MAST4: variants seen among roughly 807,000 people sequenced by gnomAD.
The protein encoded by MAST4 is microtubule-associated serine/threonine-protein kinase 4.
Under a neutral mutation model 162.7 loss-of-function variants are expected in MAST4, and 89 were observed. The observed-to-expected ratio is 0.55, with a 90% CI of 0.46 to 0.65. The LOEUF (loss-of-function observed/expected upper bound fraction) is 0.65. Among genes scored for constraint, MAST4 ranks in the 30% least tolerant of loss-of-function variants. MAST4 has a pLI of 0.00. For synonymous variants in MAST4, 1,479 were observed against 1,361.1 expected (o/e 1.09, Z -1.91); for missense variants, 3,153 against 3,374.0 (o/e 0.93, Z 1.62).
At position 66,826,857 on chromosome 5, in the gene MAST4, G is replaced by A. The variant is rs1252123433; in HGVS notation, c.642+38063G>A. On this transcript the variant is annotated intron_variant, in intron 3 of 28. Transcript: ENST00000403625. The stretch of plus-strand genomic sequence containing the variant: ...ACACTGTAAGCTGGTAAATATATTC[G>A]GAGCTGCTGCCAAGGCTTTGTCTAA... Among the ~76,000 whole-genome samples the A allele has an allele frequency of 2.0e-5, 3 of 152,124 alleles. No homozygotes were observed. The East Asian group carries it at 5.8e-4, about 29-fold the overall frequency.
At chr5:66,846,846 A>C (rs1392429828) in intron 3 of MAST4, among the ~76,000 whole-genome samples, 1 of 152,154 alleles carries the variant, frequency 6.6e-6, no homozygotes, top group Admixed American at 6.5e-5. Flanking sequence ...ACATTTATTA[A>C]TTTTATTATG....
intron 3 of MAST4, among the ~76,000 whole-genome samples, chr5:66,826,016 T>C (rs2149743865): frequency 6.6e-6 from 1 of 152,340 alleles, no homozygotes; most frequent in Non-Finnish European, 1.5e-5. Flanking sequence ...TTTTATTGCA[T>C]TTTAACACAT....
chr5:67,153,829 CTCTT>C (rs1455243009), intron 26 of MAST4, among the ~76,000 whole-genome samples: 2 of 152,096 alleles, frequency 1.3e-5, no homozygotes, highest in African/African-American at 4.8e-5. Context: ...AGTAAGAATT[CTCTT>C]TGTTTATATA....
At chr5:67,151,753 TTTC>T (rs1448061603) in intron 24 of MAST4, among the ~76,000 whole-genome samples, 2 of 149,854 alleles carry the variant, frequency 1.3e-5, no homozygotes, top group African/African-American at 2.5e-5. Context: ...CCTTTTTTTT[TTTC>T]TTCTTTTTTT....
At chr5:66,972,743 C>T (rs1284186856) in intron 4 of MAST4, among the ~76,000 whole-genome samples, 2 of 152,192 alleles carry the variant, frequency 1.3e-5, no homozygotes, top group Non-Finnish European at 2.9e-5. Context: ...CTCCATCCAG[C>T]TCTCAGAGTG....
intron 4 of MAST4, among the ~76,000 whole-genome samples, chr5:66,967,214 T>C (rs1223991598): frequency 6.6e-6 from 1 of 152,128 alleles, no homozygotes; most frequent in Non-Finnish European, 1.5e-5. Flanking sequence ...CTGTGCCCTT[T>C]TGAGGTGATG....
At chr5:66,746,397 T>C (rs953178847) in intron 1 of MAST4, among the ~76,000 whole-genome samples, 1 of 152,192 alleles carries the variant, frequency 6.6e-6, no homozygotes, top group Non-Finnish European at 1.5e-5. Flanking sequence ...ATGTGGGCTT[T>C]GTAGTTGGGC....
At chr5:67,101,682 T>C (rs1765047731) in intron 8 of MAST4, among the ~76,000 whole-genome samples, 1 of 152,182 alleles carries the variant, frequency 6.6e-6, no homozygotes. Flanking sequence ...TGTCTTTACT[T>C]AGTCTCATAA....
intron 4 of MAST4, among the ~76,000 whole-genome samples, chr5:67,049,035 A>ACG (rs371913655): frequency 2.0e-4 from 18 of 90,164 alleles, no homozygotes; most frequent in South Asian, 9.1e-4. Context: ...ATATATATAT[A>ACG]TATATACGTG....
chr5:66,916,609 A>C (rs1179140093), intron 4 of MAST4, among the ~76,000 whole-genome samples: 3 of 152,214 alleles, frequency 2.0e-5, no homozygotes, highest in African/African-American at 7.2e-5. Flanking sequence ...TTAGGTAGTC[A>C]TTGTTAGACT....
At chr5:67,045,272 G>A (rs1757225589) in intron 4 of MAST4, among the ~76,000 whole-genome samples, 5 of 152,140 alleles carry the variant, frequency 3.3e-5, no homozygotes, top group Admixed American at 2.6e-4. Flanking sequence ...TAAGCTTCGT[G>A]TACAATTCGA....
chr5:66,925,554 T>C (rs1419973131), intron 4 of MAST4, among the ~76,000 whole-genome samples: 1 of 152,188 alleles, frequency 6.6e-6, no homozygotes, highest in Admixed American at 6.5e-5. Flanking sequence ...ACCAGGACTG[T>C]AGCCATTCTT....
chr5:66,894,456 C>T (rs455651), intron 3 of MAST4, among the ~76,000 whole-genome samples: 80,239 of 151,982 alleles, frequency 0.53, 21,514 homozygotes, highest in Middle Eastern at 0.6. Flanking sequence ...GTTTTATATG[C>T]GTGTATGTAT....
chr5:67,056,330 T>TA (rs1758819919), intron 5 of MAST4, among the ~76,000 whole-genome samples: 1 of 152,170 alleles, frequency 6.6e-6, no homozygotes, highest in Non-Finnish European at 1.5e-5. Context: ...CAGTGCCAGA[T>TA]ACCTTACTTG....
intron 1 of MAST4, among the ~76,000 whole-genome samples, chr5:66,653,634 T>G (rs1746367285): frequency 6.6e-6 from 1 of 152,176 alleles, no homozygotes; most frequent in African/African-American, 2.4e-5. Context: ...GCCAGGGTGA[T>G]TCACATCTCC....
intron 4 of MAST4, among the ~76,000 whole-genome samples, chr5:66,922,850 A>G (rs1468749897): frequency 6.6e-6 from 1 of 152,196 alleles, no homozygotes; most frequent in East Asian, 1.9e-4. Context: ...TATTCACAGA[A>G]AGGAGAGCAC....
rs149361027 is a variant in MAST4, at chr5:66,627,943, AC to A, written c.363+30929del. ...CCATCTGTGTTCTGCCCCCCACCCCACCCCTACCAATTGCTATTTTATGTTG... is the reference window on the plus strand; with the variant it reads ...CCATCTGTGTTCTGCCCCCCACCCCACCCTACCAATTGCTATTTTATGTTG... On this transcript the variant is annotated intron_variant, in intron 1 of 28. Coordinates refer to ENST00000403625, the MANE Select transcript of MAST4 (RefSeq NM_001164664.2). Among the ~76,000 whole-genome samples the A allele has an allele frequency of 3.8e-4, 57 of 150,500 alleles. No individual in the cohort carries two copies. The East Asian group carries it at 8.0e-3, about 21-fold the overall frequency.
chr5:66,607,792 AAT>A (rs1381020417), intron 1 of MAST4, among the ~76,000 whole-genome samples: 1 of 152,188 alleles, frequency 6.6e-6, no homozygotes, highest in Non-Finnish European at 1.5e-5. Flanking sequence ...CTTATTACAA[AAT>A]ATTACCTTTA....
At position 66,700,826 on chromosome 5, in the gene MAST4, CAT is replaced by C. The variant is rs1427759247; in HGVS notation, c.364-58877_364-58876del. Among the ~76,000 whole-genome samples the C allele has an allele frequency of 6.9e-3, 1,002 of 144,218 alleles. 9 individuals are homozygous for C. Among genetic ancestry groups the C allele is most frequent in the African/African-American group, 0.024 (936 of 39,296 alleles). The allele number at this position is 144,218 out of a possible 152,430, so 94.6% of individuals were successfully genotyped here. A position where few individuals can be genotyped will look rare whatever the true frequency, so the allele number is the denominator to read the frequency against. Reference sequence around the variant, plus strand: ...ACACACACACACACACACACACACACATATATACACATCGGTGTATTAGAACT... The same window carrying C: ...ACACACACACACACACACACACACACATATACACATCGGTGTATTAGAACT... On this transcript the variant is annotated intron_variant, in intron 1 of 28. Coordinates refer to ENST00000403625, the MANE Select transcript of MAST4 (RefSeq NM_001164664.2).
Sources: gnomAD v4.1 joint callset for allele counts (sites outside exome capture counted in the v4.1 genomes callset) on GRCh38, gnomAD v4.1.1 for gene constraint, MANE v1.5 for transcripts, NCBI Gene and HGNC (gene_info 2026-07-23, HGNC 2026-07-21) for gene names.